Variants in TIAM2 observed in about 807,000 individuals in gnomAD.
TIAM2 encodes the protein TIAM Rac1 associated GEF 2.
TIAM2 carries 80 observed loss-of-function variants against 152.9 expected under a neutral mutation model. The ratio of observed to expected loss-of-function variants is 0.52; its 90% CI spans 0.44 to 0.63. The LOEUF (loss-of-function observed/expected upper bound fraction) is 0.63. Among genes scored for constraint, TIAM2 ranks in the 30% least tolerant of loss-of-function variants. The probability of loss-of-function intolerance (pLI) is 0.00; values close to 1 mark genes in which losing one functional copy is unlikely to be tolerated. For synonymous variants in TIAM2, 804 were observed against 838.0 expected (o/e 0.96, Z 0.70); for missense variants, 1,965 against 2,120.1 (o/e 0.93, Z 1.44).
At chr6:155,082,417 G>A (rs1331873756) in intron 1 of TIAM2, among the ~76,000 whole-genome samples, 1 of 152,122 alleles carries the variant, frequency 6.6e-6, no homozygotes, top group Non-Finnish European at 1.5e-5. Context: ...TTGGGAGGCT[G>A]AGGTGGGTGG....
chr6:155,155,762 A>G (rs567258939), intron 7 of TIAM2, among the ~76,000 whole-genome samples: 4 of 152,254 alleles, frequency 2.6e-5, no homozygotes, highest in Non-Finnish European at 4.4e-5. Context: ...GGCATGAGCC[A>G]CCGCTCCCAG....
At chr6:155,139,230 T>C (rs1305313604) in intron 5 of TIAM2, among the ~76,000 whole-genome samples, 1 of 152,174 alleles carries the variant, frequency 6.6e-6, no homozygotes, top group African/African-American at 2.4e-5. Context: ...GGAGCCCTGC[T>C]TCCCCAACCG....
intron 1 of TIAM2, among the ~76,000 whole-genome samples, chr6:155,044,357 CT>C (rs1311824958): frequency 6.6e-6 from 1 of 152,182 alleles, no homozygotes; most frequent in Non-Finnish European, 1.5e-5. Context: ...CTGCAGAGTC[CT>C]TTTGGGTGTA....
chr6:155,123,392 C>A (rs1465848173), intron 2 of TIAM2, among the ~76,000 whole-genome samples: 6 of 152,156 alleles, frequency 3.9e-5, no homozygotes, highest in African/African-American at 1.4e-4. Context: ...GGTCTGGGGT[C>A]CGCATCAACT....
intron 13 of TIAM2, among the ~76,000 whole-genome samples, chr6:155,182,752 G>C (rs1476433045): frequency 6.6e-6 from 1 of 152,148 alleles, no homozygotes; most frequent in African/African-American, 2.4e-5. Flanking sequence ...GACACGGATG[G>C]AACAAAGTTA....
chr6:155,026,520 A>C (rs1434040991), intron 1 of TIAM2, among the ~76,000 whole-genome samples: 1 of 152,238 alleles, frequency 6.6e-6, no homozygotes, highest in African/African-American at 2.4e-5. Flanking sequence ...GGACAACTAC[A>C]GAACACTGGG....
chr6:155,249,246 G>A (rs567030545), intron 20 of TIAM2, among the ~76,000 whole-genome samples: 38 of 152,182 alleles, frequency 2.5e-4, no homozygotes, highest in African/African-American at 8.7e-4. Flanking sequence ...ATATTCCCTC[G>A]CGGAAAGTTA....
intron 7 of TIAM2, among the ~76,000 whole-genome samples, chr6:155,149,411 T>G (rs1376065282): frequency 6.6e-6 from 1 of 152,212 alleles, no homozygotes; most frequent in Non-Finnish European, 1.5e-5. Flanking sequence ...GGTTCTTGCA[T>G]TTTTCTTCCT....
rs146123805 is a variant in TIAM2 at position 155,144,877 on chromosome 6, CTTAG to C, written c.1803+104_1803+107del. 6,973 of 1,353,308 alleles carry C rather than the reference CTTAG, an allele frequency of 5.2e-3. 38 individuals carry two copies. The highest frequency in any genetic ancestry group is 0.033 in the East Asian group (1,274 of 39,094). 83.8% of individuals were successfully genotyped at this position (1,353,308 alleles called of 1,614,324 possible). On this transcript the variant is annotated intron_variant, in intron 6 of 26. Coordinates refer to ENST00000682666, the MANE Select transcript of TIAM2 (RefSeq NM_012454.4). ...ACTTGGAAATGAAATTGAATAAATA[CTTAG>C]TTAGGCTTTGGATTTGGCCTTAAGC...
chr6:155,130,302 G>C lies in TIAM2; in HGVS notation c.1079G>C (p.Cys360Ser). 6.2e-7 allele frequency: 1 copy of C among 1,614,128 alleles called. No homozygotes were observed. The highest frequency in any genetic ancestry group is 1.1e-5 in the South Asian group (1 of 91,082). ...CAGTACAGTTCCTTCACTCTCCCCT[G>C]TCGGAAGCCCAAAGCCTTTGTTGAG... Reference protein sequence around the residue: ...PIQYSSFTLPCRKPKAFVEDT... With the variant: ...PIQYSSFTLPSRKPKAFVEDT... Residue 360 changes from cysteine (C) to serine (S), a missense_variant, in exon 4 of 27, where the codon TGT (cysteine) becomes TCT (serine). This residue lies in a region of TIAM2 where 1,025 missense variants were observed against 1,119.4 expected (regional missense o/e 0.92). Coordinates refer to ENST00000682666, the MANE Select transcript of TIAM2 (RefSeq NM_012454.4).
intron 18 of TIAM2, 153 bp downstream of exon 18, chr6:155,244,936 CAGGTGGT>C: frequency 9.8e-7 from 1 of 1,015,406 alleles, no homozygotes; most frequent in Non-Finnish European, 1.3e-6. Context: ...TTTCCTCTGT[CAGGTGGT>C]AAAGGAAGGC....
intron 1 of TIAM2, among the ~76,000 whole-genome samples, chr6:155,026,272 A>G (rs1228043563): frequency 1.3e-5 from 2 of 152,192 alleles, no homozygotes; most frequent in East Asian, 3.8e-4. Context: ...ATCTGTTCAG[A>G]ATTTCAAATG....
intron 2 of TIAM2, among the ~76,000 whole-genome samples, chr6:155,104,293 A>G (rs1198545341): frequency 6.6e-6 from 1 of 152,010 alleles, no homozygotes; most frequent in Non-Finnish European, 1.5e-5. Context: ...TTGCAGGTTT[A>G]TCCCACCAGC....
intron 2 of TIAM2, among the ~76,000 whole-genome samples, chr6:155,124,778 A>T (rs1779252522): frequency 6.6e-6 from 1 of 152,138 alleles, no homozygotes; most frequent in Non-Finnish European, 1.5e-5. Flanking sequence ...CCGGCAGTAT[A>T]GCAGCCACCT....
At chr6:155,125,964 C>T (rs1479220535) in intron 2 of TIAM2, among the ~76,000 whole-genome samples, 4 of 152,164 alleles carry the variant, frequency 2.6e-5, no homozygotes, top group Non-Finnish European at 5.9e-5. Context: ...TGCATTTCCA[C>T]TTCTGGGTAT....
chr6:155,179,937 C>T (rs118162448), intron 12 of TIAM2, among the ~76,000 whole-genome samples: 1,610 of 152,228 alleles, frequency 0.011, 15 homozygotes, highest in Non-Finnish European at 0.018. Flanking sequence ...TTGAAGAAGC[C>T]GTGTCTGATT....
chr6:155,001,461 T>G (rs1293949308), intron 1 of TIAM2, among the ~76,000 whole-genome samples: 4 of 152,220 alleles, frequency 2.6e-5, no homozygotes, highest in Non-Finnish European at 5.9e-5. Context: ...TGTGAAATGT[T>G]TTTTCATAAC....
At chr6:155,240,379 G>A in intron 15 of TIAM2, 151 bp from the exon 16 acceptor site, 1 of 674,564 alleles carries the variant, frequency 1.5e-6, no homozygotes, top group Non-Finnish European at 2.3e-6. Context: ...ATAGCCAGAG[G>A]GGTTTGAGGT....
At chr6:155,025,383 C>T (rs1413741274) in intron 1 of TIAM2, among the ~76,000 whole-genome samples, 7 of 151,896 alleles carry the variant, frequency 4.6e-5, no homozygotes, top group Non-Finnish European at 8.8e-5. Flanking sequence ...TTAGTAGAGA[C>T]GGGGTTTCAC....
Sources: allele counts gnomAD v4.1 joint callset (sites outside exome capture counted in the v4.1 genomes callset), GRCh38; gene constraint gnomAD v4.1.1; regional missense constraint gnomAD v4.1.1; transcripts MANE v1.5; gene names NCBI Gene and HGNC (gene_info 2026-07-23, HGNC 2026-07-21).